NCOA2: variants seen among roughly 807,000 people sequenced by gnomAD.
NCOA2 encodes nuclear receptor coactivator 2, also known as class E basic helix-loop-helix protein 75.
In NCOA2, 21 loss-of-function variants were observed where a neutral mutation model predicts 145.1. The observed-to-expected ratio is 0.14, with a 90% CI of 0.10 to 0.21. The LOEUF (loss-of-function observed/expected upper bound fraction) is 0.21, where lower values mean the gene tolerates loss of function less well. Ranked by LOEUF, NCOA2 falls within the 10% of genes least tolerant of loss-of-function variation. The probability of loss-of-function intolerance (pLI) is 1.00; values close to 1 mark genes in which losing one functional copy is unlikely to be tolerated. For missense variants in NCOA2, 1,472 were observed against 1,837.6 expected (o/e 0.80, Z 3.64); for synonymous variants, 619 against 637.5 (o/e 0.97, Z 0.44).
chr8:70,192,885 GGTGA>G (rs1204682842), intron 4 of NCOA2, among the ~76,000 whole-genome samples: 1 of 151,920 alleles, frequency 6.6e-6, no homozygotes, highest in Non-Finnish European at 1.5e-5. Context: ...TGACCAACAT[GGTGA>G]AAACTCATCA....
rs940313099 is a variant in NCOA2 at position 70,111,114 on chromosome 8, C to T, written c.*2518G>A. The T allele has an allele frequency of 9.1e-6, 2 of 219,298 alleles. No homozygotes were observed. Among genetic ancestry groups the T allele is most frequent in the East Asian group, 6.8e-5 (1 of 14,758 alleles). 13.6% of individuals were successfully genotyped at this position (219,298 alleles called of 1,614,324 possible). ...ACAAAATCCATTACCTGATTGAAAC[C>T]GTAAGAGAATTTATCATCTCTTTTC... On this transcript the variant is annotated 3_prime_UTR_variant, in exon 23 of 23. Coordinates refer to ENST00000452400, the MANE Select transcript of NCOA2 (RefSeq NM_006540.4).
chr8:70,325,117 C>T (rs184182569), intron 1 of NCOA2, among the ~76,000 whole-genome samples: 1 of 152,240 alleles, frequency 6.6e-6, no homozygotes, highest in Non-Finnish European at 1.5e-5. Flanking sequence ...CATCATGTAC[C>T]TAACCATTTC....
intron 1 of NCOA2, among the ~76,000 whole-genome samples, chr8:70,395,218 G>A (rs1235450415): frequency 6.6e-6 from 1 of 152,242 alleles, no homozygotes; most frequent in African/African-American, 2.4e-5. Flanking sequence ...CATACCCAAA[G>A]TGAAGTGGTC....
At chr8:70,188,189 C>T (rs56761937) in intron 4 of NCOA2, among the ~76,000 whole-genome samples, 1,678 of 152,314 alleles carry the variant, frequency 0.011, 28 homozygotes, top group African/African-American at 0.037. Flanking sequence ...AATTCACCTG[C>T]TTCTCAAATA....
rs1687157612 is a variant in NCOA2 at position 70,280,827 on chromosome 8, T to C, written c.-20+15917A>G. On this transcript the variant is annotated intron_variant, in intron 2 of 22. Transcript: ENST00000452400. The stretch of plus-strand genomic sequence containing the variant: ...ATAGAAATCCATTCTACCCCTTACT[T>C]CCAGGCTCTTTTTCCAAAAGAATGA... Among the ~76,000 whole-genome samples the C allele has an allele frequency of 2.0e-5, 3 of 152,040 alleles. No individual in the cohort carries two copies. In the South Asian group the frequency reaches 6.2e-4, roughly 32 times the overall value.
rs755753922 is a variant in NCOA2, at chr8:70,128,555, C to CAT, written c.3604-47_3604-46dup. 4 of 1,596,470 alleles carry CAT rather than the reference C, an allele frequency of 2.5e-6. No homozygotes were observed. The Admixed American group carries it at 5.2e-5, about 21-fold the overall frequency. On this transcript the variant is annotated intron_variant, in intron 17 of 22. Transcript: ENST00000452400. ...ATGAATACATTTTAAGAACAGAATA[C>CAT]ATTTTACTTTAAATCAAGTTTCCCA...
chr8:70,455,579 A>G, the NCOA2 span, among the ~76,000 whole-genome samples: 3 of 152,084 alleles, frequency 2.0e-5, no homozygotes, highest in Non-Finnish European at 4.4e-5. Context: ...AAGATTAACA[A>G]CCACTGAAGA....
intron 5 of NCOA2, among the ~76,000 whole-genome samples, chr8:70,171,428 C>CT (rs1428754008): frequency 6.6e-6 from 1 of 152,202 alleles, no homozygotes; most frequent in Non-Finnish European, 1.5e-5. Context: ...GTCCTCTACT[C>CT]TAATATTCAT....
intron 20 of NCOA2, among the ~76,000 whole-genome samples, chr8:70,124,440 C>T (rs1029662670): frequency 2.6e-5 from 4 of 151,718 alleles, no homozygotes; most frequent in Admixed American, 6.6e-5. Flanking sequence ...TTTCCTAGAG[C>T]AGGAGTCACT....
At chr8:70,399,938 C>T (rs1814071497) in intron 1 of NCOA2, among the ~76,000 whole-genome samples, 1 of 152,196 alleles carries the variant, frequency 6.6e-6, no homozygotes, top group Non-Finnish European at 1.5e-5. Context: ...GTACTGAATC[C>T]TTAAATACAG....
At chr8:70,452,445 G>A in the NCOA2 span, among the ~76,000 whole-genome samples, 1 of 152,144 alleles carries the variant, frequency 6.6e-6, no homozygotes, top group African/African-American at 2.4e-5. Context: ...TAACAAGACT[G>A]GGCATAGTGG....
chr8:70,308,944 G>A (rs1339685811), intron 1 of NCOA2, among the ~76,000 whole-genome samples: 2 of 152,158 alleles, frequency 1.3e-5, no homozygotes, highest in African/African-American at 2.4e-5. Context: ...TGAAGCTGGG[G>A]TTGCCTTAAT....
chr8:70,400,261 A>G (rs1182767374), intron 1 of NCOA2, among the ~76,000 whole-genome samples: 1 of 152,226 alleles, frequency 6.6e-6, no homozygotes, highest in East Asian at 1.9e-4. Flanking sequence ...CTAAAAGTCA[A>G]AGAACTCCTC....
intron 1 of NCOA2, among the ~76,000 whole-genome samples, chr8:70,304,531 A>C (rs1300013968): frequency 6.6e-6 from 1 of 151,134 alleles, no homozygotes; most frequent in Non-Finnish European, 1.5e-5. Flanking sequence ...CAGTGGCATG[A>C]CCTCGGCTCA....
the NCOA2 span, among the ~76,000 whole-genome samples, chr8:70,433,080 T>A: frequency 6.6e-6 from 1 of 152,198 alleles, no homozygotes; most frequent in African/African-American, 2.4e-5. Context: ...CTTGGTAATA[T>A]CTCAATTTCC....
the NCOA2 span, among the ~76,000 whole-genome samples, chr8:70,426,969 T>G: frequency 7.9e-5 from 12 of 152,152 alleles, no homozygotes; most frequent in African/African-American, 2.7e-4. Flanking sequence ...ATTTTTAAAT[T>G]TTTAAATTTA....
intron 22 of NCOA2, among the ~76,000 whole-genome samples, chr8:70,120,212 G>C (rs1298147152): frequency 6.6e-6 from 1 of 152,150 alleles, no homozygotes; most frequent in Non-Finnish European, 1.5e-5. Flanking sequence ...TTAACAGGTT[G>C]TATGGGATAG....
At chr8:70,260,177 T>C (rs1002251952) in intron 2 of NCOA2, among the ~76,000 whole-genome samples, 10 of 152,162 alleles carry the variant, frequency 6.6e-5, no homozygotes, top group Non-Finnish European at 1.3e-4. Flanking sequence ...TGAGTTTCTG[T>C]GTTTTGCTTT....
At chr8:70,447,214 T>G in the NCOA2 span, among the ~76,000 whole-genome samples, 3 of 152,156 alleles carry the variant, frequency 2.0e-5, no homozygotes, top group Non-Finnish European at 2.9e-5. Context: ...GCTAGAGCAT[T>G]CCAAACTCTT....
Sources: allele counts gnomAD v4.1 joint callset (sites outside exome capture counted in the v4.1 genomes callset), GRCh38; gene constraint gnomAD v4.1.1; transcripts MANE v1.5; gene names NCBI Gene and HGNC (gene_info 2026-07-23, HGNC 2026-07-21).